Variants in NPHP4 observed in about 807,000 individuals in gnomAD.
The protein encoded by NPHP4 is nephrocystin 4, also known as nephrocystin-4.
Under a neutral mutation model 155.8 loss-of-function variants are expected in NPHP4, and 151 were observed. The ratio of observed to expected loss-of-function variants is 0.97; its 90% CI spans 0.85 to 1.11. The LOEUF (loss-of-function observed/expected upper bound fraction) is 1.11, where lower values mean the gene tolerates loss of function less well. Ranked by LOEUF, NPHP4 falls within the 50% of genes least tolerant of loss-of-function variation. The pLI is 0.00. For missense variants in NPHP4, 1,956 were observed against 1,925.7 expected (o/e 1.02, Z -0.29); for synonymous variants, 845 against 816.8 (o/e 1.03, Z -0.59).
At chr1:5,965,862 C>T (rs1017104094) in intron 5 of NPHP4, among the ~76,000 whole-genome samples, 4 of 152,166 alleles carry the variant, frequency 2.6e-5, no homozygotes, top group Non-Finnish European at 2.9e-5. Flanking sequence ...CATCAGAGGC[C>T]GAGAACTTCC....
At chr1:5,883,116 G>A (rs946420919) in intron 18 of NPHP4, among the ~76,000 whole-genome samples, 3 of 152,148 alleles carry the variant, frequency 2.0e-5, no homozygotes, top group Admixed American at 1.3e-4. Flanking sequence ...AAGAAGCCAC[G>A]ATCAGGGTCC....
intron 11 of NPHP4, among the ~76,000 whole-genome samples, chr1:5,917,039 G>C (rs952978081): frequency 2.0e-4 from 30 of 152,202 alleles, no homozygotes; most frequent in African/African-American, 7.2e-4. Flanking sequence ...CCCTGGACTG[G>C]GATCGGGAGA....
At chr1:5,927,886 T>G (rs1646092084) in intron 10 of NPHP4, 99 bp from the exon 11 acceptor site, 1 of 1,301,702 alleles carries the variant, frequency 7.7e-7, no homozygotes, top group South Asian at 1.6e-5. Context: ...TAAAACAAAG[T>G]CTACGTGAAA....
chr1:5,974,909 C>T (rs1481542537), intron 3 of NPHP4, among the ~76,000 whole-genome samples: 1 of 152,194 alleles, frequency 6.6e-6, no homozygotes, highest in Non-Finnish European at 1.5e-5. Context: ...CTACCGGCAG[C>T]TCACCAACCC....
At position 5,905,967 on chromosome 1, in the gene NPHP4, T is replaced by G. The variant is rs1644895938; in HGVS notation, c.1612-184A>C. ...ACAACAAATGATTTTAGTATAAGTA[T>G]GGTCCCTACGATATTTGGGATATAC... On this transcript the variant is annotated intron_variant, in intron 13 of 29. Transcript: ENST00000378156. This position sits in a 1 kb window ranked among gnomAD's most constrained non-coding sequence, Gnocchi z 4.0. 6.6e-6 allele frequency among the ~76,000 whole-genome samples: 1 copy of G among 152,228 alleles called. No homozygotes were observed. The highest frequency in any genetic ancestry group is 2.1e-4 in the South Asian group (1 of 4,834).
Position 5,927,767 on chromosome 1 carries a change from A to G in NPHP4, c.1323T>C (p.Gly441=). The part of the protein sequence containing the change: ...SSEEVKQVES[G]TLRFQFSLGS... Reference sequence around the variant, plus strand: ...CCAGCGAGAACTGGAACCGGAGTGTACCCGACTCCACCTGCTTCACCTGCA... The same window carrying G: ...CCAGCGAGAACTGGAACCGGAGTGTGCCCGACTCCACCTGCTTCACCTGCA... Residue 441 remains glycine (G), a synonymous_variant, in exon 11 of 30, where the codon GGT becomes GGC. Transcript: ENST00000378156. 1 of 1,611,328 alleles carries G rather than the reference A, an allele frequency of 6.2e-7. No individual in the cohort carries two copies. The highest frequency in any genetic ancestry group is 8.5e-7 in the Non-Finnish European group (1 of 1,177,744).
intron 29 of NPHP4, 153 bp from the exon 30 acceptor site, chr1:5,863,558 G>A (rs1376067018): frequency 2.3e-5 from 19 of 836,906 alleles, no homozygotes; most frequent in Middle Eastern, 3.5e-4. Context: ...TGACTTCAGC[G>A]CCCGGTACAA....
intron 1 of NPHP4, among the ~76,000 whole-genome samples, chr1:5,987,585 C>T (rs1441147602): frequency 6.6e-6 from 1 of 152,154 alleles, no homozygotes; most frequent in Non-Finnish European, 1.5e-5. Flanking sequence ...CAAGTAAGAA[C>T]ATCCTTGGTG....
chr1:5,866,609 T>C (rs1641260595), intron 25 of NPHP4, among the ~76,000 whole-genome samples, 151 bp from the exon 26 acceptor site: 1 of 152,214 alleles, frequency 6.6e-6, no homozygotes. Flanking sequence ...GAATTCACTA[T>C]TCTGTTCACT....
chr1:5,960,531 C>A (rs1650108860), intron 6 of NPHP4, among the ~76,000 whole-genome samples: 1 of 152,102 alleles, frequency 6.6e-6, no homozygotes, highest in Admixed American at 6.6e-5. Context: ...TCGGTCCCCG[C>A]CCCTCACACA....
rs1645139369 is a variant in NPHP4, at chr1:5,910,736, C to T, written c.1442-1523G>A. On this transcript the variant is annotated intron_variant, in intron 11 of 29. Transcript: ENST00000378156. The surrounding 1 kb of genome is among the most constrained non-coding windows in gnomAD (Gnocchi z 5.4). The stretch of plus-strand genomic sequence containing the variant: ...AGAAACCAAATCCAGAAAGTGCCGC[C>T]CTAACACCAGAGCTGCACGACCATC... 2.0e-5 allele frequency among the ~76,000 whole-genome samples: 3 copies of T among 152,220 alleles called. No individual in the cohort carries two copies. The highest frequency in any genetic ancestry group is 2.0e-4 in the Admixed American group (3 of 15,290).
In NPHP4 at chr1:5,947,166, C is replaced by T. The variant is rs952394015; in HGVS notation, c.1057G>A (p.Ala353Thr). ...TCCAGCTGGAAGATGACCGCAAATG[C>T]AGGGTGGCCGACCATCTCTGGGAGG... ...LRLPEMVGHP[A>T]FAVIFQLEYV... The change falls in exon 9 of 30, where the codon GCA becomes ACA. Residue 353 changes from alanine to threonine, a missense_variant. By Grantham distance (58) the Ala-to-Thr change is moderately conservative. Coordinates refer to ENST00000378156, the MANE Select transcript of NPHP4 (RefSeq NM_015102.5). The T allele has an allele frequency of 1.9e-5, 30 of 1,613,948 alleles. No homozygotes were observed. The highest frequency in any genetic ancestry group is 2.5e-5 in the Non-Finnish European group (30 of 1,179,848).
At position 5,887,672 on chromosome 1, in the gene NPHP4, T is replaced by C. The variant is rs1037666832; in HGVS notation, c.2305-206A>G. On this transcript the variant is annotated intron_variant, in intron 17 of 29. Coordinates refer to ENST00000378156, the MANE Select transcript of NPHP4 (RefSeq NM_015102.5). Reference sequence around the variant, plus strand: ...GTCTTAAAGCAGGACTCCTTATTACTGGGGTCTTTTTCACAAAGTCTTAAG... The same window carrying C: ...GTCTTAAAGCAGGACTCCTTATTACCGGGGTCTTTTTCACAAAGTCTTAAG... 3.9e-5 allele frequency among the ~76,000 whole-genome samples: 6 copies of C among 152,196 alleles called. 1 individual carries two copies. The highest frequency in any genetic ancestry group is 3.3e-4 in the Admixed American group (5 of 15,286).
intron 2 of NPHP4, among the ~76,000 whole-genome samples, chr1:5,979,868 C>T (rs377396238): frequency 6.6e-6 from 1 of 152,106 alleles, no homozygotes; most frequent in African/African-American, 2.4e-5. Flanking sequence ...GCCTCAGTGA[C>T]GAGATAAGAC....
intron 16 of NPHP4, among the ~76,000 whole-genome samples, chr1:5,891,494 G>A (rs1423193112): frequency 6.6e-6 from 1 of 152,208 alleles, no homozygotes; most frequent in Non-Finnish European, 1.5e-5. Context: ...CCTAAAGCAG[G>A]ACGGCACCTG....
rs1640797400 is a variant in NPHP4, at chr1:5,862,952, T to C, written c.*313A>G. On this transcript the variant is annotated 3_prime_UTR_variant, in exon 30 of 30. Coordinates refer to ENST00000378156, the MANE Select transcript of NPHP4 (RefSeq NM_015102.5). ...TAATTTTCTCATTTAGGATGATTCA[T>C]AAAATACATTTTGAGCAACAGCGAT... is the stretch of plus-strand genomic sequence containing the variant. 2 of 393,284 alleles carry C rather than the reference T, an allele frequency of 5.1e-6. No homozygotes were observed. The highest frequency in any genetic ancestry group is 9.4e-6 in the Non-Finnish European group (2 of 213,666). The allele number at this position is 393,284 out of a possible 1,614,324, so 24.4% of individuals were successfully genotyped here.
At chr1:5,946,335 C>T (rs1647096842) in intron 9 of NPHP4, among the ~76,000 whole-genome samples, 1 of 152,178 alleles carries the variant, frequency 6.6e-6, no homozygotes, top group Admixed American at 6.5e-5. Context: ...TAAATTCTTA[C>T]TCTTAGTGTT....
intron 19 of NPHP4, 156 bp from the exon 20 acceptor site, chr1:5,877,454 C>G (rs866994787): frequency 2.0e-6 from 1 of 504,168 alleles, no homozygotes; most frequent in Non-Finnish European, 3.6e-6. Flanking sequence ...GTTCTGAGAT[C>G]CAGATAAAGA....
intron 11 of NPHP4, among the ~76,000 whole-genome samples, chr1:5,920,481 G>A (rs748538738): frequency 5.9e-5 from 9 of 152,272 alleles, no homozygotes; most frequent in East Asian, 1.9e-4. Context: ...GAAGGGGTAC[G>A]TACATGTGGT....
Sources: gnomAD v4.1 joint callset for allele counts (sites outside exome capture counted in the v4.1 genomes callset) on GRCh38, gnomAD v4.1.1 for gene constraint, Gnocchi (gnomAD v3.1) non-coding constraint, MANE v1.5 for transcripts, NCBI Gene and HGNC (gene_info 2026-07-23, HGNC 2026-07-21) for gene names.